LRMDA: variants seen among roughly 807,000 people sequenced by gnomAD.
LRMDA encodes leucine-rich melanocyte differentiation-associated protein.
LRMDA carries 18 observed loss-of-function variants against 29.8 expected under a neutral mutation model. The ratio of observed to expected loss-of-function variants is 0.60; its 90% confidence interval spans 0.42 to 0.90. The LOEUF is 0.90. Among genes scored for constraint, LRMDA ranks in the 40% least tolerant of loss-of-function variants. LRMDA has a pLI of 0.00. For synonymous variants in LRMDA, 125 were observed against 109.4 expected, an observed-to-expected ratio of 1.14 and a Z score of -0.89; for missense variants, 273 against 273.9, an observed-to-expected ratio of 1.00 and a Z score of 0.02.
chr10:76,168,769 A>G (rs1850784558), intron 5 of LRMDA, among the ~76,000 whole-genome samples: 1 of 152,230 alleles, frequency 6.6e-6, no homozygotes, highest in Non-Finnish European at 1.5e-5. Flanking sequence ...AAAAGTTGTC[A>G]GATCTATTTC....
chr10:75,973,402 A>G (rs1356056014), intron 2 of LRMDA, among the ~76,000 whole-genome samples: 1 of 149,434 alleles, frequency 6.7e-6, no homozygotes, highest in Non-Finnish European at 1.5e-5. Flanking sequence ...TGGACAGGTG[A>G]GGCCTGTGCC....
At chr10:75,901,768 G>A (rs1845677474) in intron 2 of LRMDA, among the ~76,000 whole-genome samples, 2 of 152,152 alleles carry the variant, frequency 1.3e-5, no homozygotes, top group Non-Finnish European at 2.9e-5. Flanking sequence ...AACAAGAGAA[G>A]CTGATTGCCG....
intron 2 of LRMDA, among the ~76,000 whole-genome samples, chr10:75,857,136 C>T (rs931567437): frequency 2.0e-5 from 3 of 152,190 alleles, no homozygotes; most frequent in Non-Finnish European, 4.4e-5. Context: ...AAATGGGGAT[C>T]GATCATTGCA....
intron 2 of LRMDA, among the ~76,000 whole-genome samples, chr10:75,856,479 C>T (rs1237085038): frequency 6.6e-6 from 1 of 152,130 alleles, no homozygotes; most frequent in African/African-American, 2.4e-5. Context: ...AAAAGTTTGT[C>T]CACCATGATC....
intron 1 of LRMDA, among the ~76,000 whole-genome samples, chr10:75,433,767 A>G (rs1265864273): frequency 6.6e-6 from 1 of 152,218 alleles, no homozygotes; most frequent in Non-Finnish European, 1.5e-5. Context: ...ATATAAAAAC[A>G]TGAAGCCAGA....
intron 2 of LRMDA, among the ~76,000 whole-genome samples, chr10:75,878,752 C>G (rs1273136576): frequency 6.6e-6 from 1 of 152,110 alleles, no homozygotes; most frequent in Non-Finnish European, 1.5e-5. Context: ...TTCCCTGCCC[C>G]CTCCTGTATC....
At chr10:76,286,403 T>G (rs934666894) in intron 5 of LRMDA, among the ~76,000 whole-genome samples, 1 of 152,192 alleles carries the variant, frequency 6.6e-6, no homozygotes, top group Non-Finnish European at 1.5e-5. Flanking sequence ...GGGGCCTTCA[T>G]TGTTCCACAT....
chr10:75,984,741 GC>G (rs1399375740), intron 2 of LRMDA, among the ~76,000 whole-genome samples: 1 of 152,232 alleles, frequency 6.6e-6, no homozygotes, highest in Non-Finnish European at 1.5e-5. Context: ...TCCTGGGGAT[GC>G]GTTTTGCATT....
chr10:76,470,737 C>T (rs1245249470), intron 6 of LRMDA, among the ~76,000 whole-genome samples: 2 of 151,892 alleles, frequency 1.3e-5, no homozygotes, highest in Admixed American at 1.3e-4. Context: ...TTAACAAGGA[C>T]TGGTAGCAGA....
chr10:75,829,199 T>C (rs1844296757), intron 2 of LRMDA, among the ~76,000 whole-genome samples: 1 of 152,146 alleles, frequency 6.6e-6, no homozygotes, highest in African/African-American at 2.4e-5. Context: ...CCCAGAGATA[T>C]GAGGCCATCC....
At chr10:76,003,345 G>C (rs1482141695) in intron 2 of LRMDA, among the ~76,000 whole-genome samples, 1 of 152,134 alleles carries the variant, frequency 6.6e-6, no homozygotes, top group African/African-American at 2.4e-5. Context: ...CTAGACCACA[G>C]TGGAAGGAAC....
intron 6 of LRMDA, among the ~76,000 whole-genome samples, chr10:76,449,553 T>C (rs1386727314): frequency 6.6e-6 from 1 of 151,960 alleles, no homozygotes; most frequent in African/African-American, 2.4e-5. Context: ...GTAACACCTA[T>C]TAGGAAAACT....
At chr10:76,215,913 A>G (rs1301625502) in intron 5 of LRMDA, among the ~76,000 whole-genome samples, 2 of 152,260 alleles carry the variant, frequency 1.3e-5, no homozygotes, top group Non-Finnish European at 2.9e-5. Context: ...GGATGACACA[A>G]TAACAATATG....
At chr10:75,919,881 C>T (rs1022739336) in intron 2 of LRMDA, among the ~76,000 whole-genome samples, 8 of 152,084 alleles carry the variant, frequency 5.3e-5, no homozygotes, top group African/African-American at 1.9e-4. Context: ...TCTGACACGT[C>T]CGAGTAGGCA....
chr10:75,923,673 C>T (rs948681477), intron 2 of LRMDA, among the ~76,000 whole-genome samples: 16 of 152,234 alleles, frequency 1.1e-4, no homozygotes, highest in South Asian at 4.2e-4. Flanking sequence ...ATGTGTTGCT[C>T]ATGCATGGAA....
At position 75,580,650 on chromosome 10, in the gene LRMDA, G is replaced by A. The variant is rs532369289; in HGVS notation, c.131+142156G>A. 2.6e-5 allele frequency among the ~76,000 whole-genome samples: 4 copies of A among 152,244 alleles called. No individual in the cohort carries two copies. The South Asian group carries it at 8.3e-4, about 32-fold the overall frequency. On this transcript the variant is annotated intron_variant, in intron 2 of 6. Transcript: ENST00000611255. The stretch of plus-strand genomic sequence containing the variant: ...AAAAGAACAAAGCTGGAGGCATCAT[G>A]CCACCTGACTTCAAACTATACTACA...
intron 2 of LRMDA, among the ~76,000 whole-genome samples, chr10:75,533,345 T>C (rs1839043754): frequency 6.6e-6 from 1 of 152,156 alleles, no homozygotes. Context: ...ACAAATGAAA[T>C]AGGTAACAAT....
intron 6 of LRMDA, chr10:76,402,265 A>C (rs1405269650): frequency 6.6e-6 from 1 of 152,274 alleles, no homozygotes; most frequent in Non-Finnish European, 1.5e-5. Context: ...TAGACACAAA[A>C]GCCAGTGCTG....
At chr10:75,844,531 T>C (rs1251989915) in intron 2 of LRMDA, among the ~76,000 whole-genome samples, 1 of 152,194 alleles carries the variant, frequency 6.6e-6, no homozygotes, top group African/African-American at 2.4e-5. Context: ...GCTCACTCCA[T>C]CTTGGCTCCC....
Sources: gnomAD v4.1 joint callset for allele counts (sites outside exome capture counted in the v4.1 genomes callset) on GRCh38, gnomAD v4.1.1 for gene constraint, MANE v1.5 for transcripts, NCBI Gene and HGNC (gene_info 2026-07-23, HGNC 2026-07-21) for gene names.